The following GPC5 variants were observed in gnomAD, a reference collection of about 807,000 sequenced individuals.
The protein encoded by GPC5 is glypican 5.
A neutral mutation model predicts 53.9 loss-of-function variants in GPC5; 47 were observed. The observed-to-expected ratio is 0.87, with a 90% CI of 0.69 to 1.11. The LOEUF is 1.11. Ranked by LOEUF, GPC5 falls within the 50% of genes most tolerant of loss-of-function variation. The probability of loss-of-function intolerance (pLI) is 0.00; values close to 1 mark genes in which losing one functional copy is unlikely to be tolerated. For missense variants in GPC5, 748 were observed against 713.1 expected, an observed-to-expected ratio of 1.05 and a Z score of -0.56; for synonymous variants, 286 against 263.3, an observed-to-expected ratio of 1.09 and a Z score of -0.84.
intron 2 of GPC5, among the ~76,000 whole-genome samples, chr13:91,460,206 A>G (rs555625185): frequency 2.6e-5 from 4 of 152,264 alleles, no homozygotes; most frequent in Non-Finnish European, 1.5e-5. Context: ...TTCTCATAAT[A>G]GGAACACATT....
intron 5 of GPC5, among the ~76,000 whole-genome samples, chr13:91,868,606 G>A (rs2039109869): frequency 6.6e-6 from 1 of 152,048 alleles, no homozygotes. Flanking sequence ...TCAGGAGGCT[G>A]ACAAGGGAGG....
At chr13:91,792,539 T>C (rs1030451478) in intron 5 of GPC5, among the ~76,000 whole-genome samples, 6 of 152,212 alleles carry the variant, frequency 3.9e-5, no homozygotes, top group African/African-American at 1.4e-4. Flanking sequence ...CCCATGTAGT[T>C]TGGCTATGAG....
chr13:92,847,534 T>C (rs1430052825), intron 7 of GPC5, among the ~76,000 whole-genome samples: 1 of 152,136 alleles, frequency 6.6e-6, no homozygotes, highest in Non-Finnish European at 1.5e-5. Flanking sequence ...TCCAGCCATG[T>C]ACCTACTTCC....
chr13:92,036,788 A>C (rs2040896455), intron 6 of GPC5, among the ~76,000 whole-genome samples: 1 of 152,202 alleles, frequency 6.6e-6, no homozygotes, highest in South Asian at 2.1e-4. Context: ...AGTTGCTCAG[A>C]ACAAGAATTA....
At chr13:91,432,200 CTGCTGTGTG>C (rs1229990353) in intron 1 of GPC5, among the ~76,000 whole-genome samples, 3 of 65,766 alleles carry the variant, frequency 4.6e-5, no homozygotes, top group African/African-American at 2.2e-4. Context: ...GCTGCTGCTG[CTGCTGTGTG>C]TGTGTGTGTG....
intron 6 of GPC5, among the ~76,000 whole-genome samples, chr13:91,988,310 G>A (rs1271449404): frequency 6.6e-6 from 1 of 152,118 alleles, no homozygotes; most frequent in East Asian, 1.9e-4. Context: ...GAAAGTCAAG[G>A]AGACACAGAG....
chr13:92,564,387 T>C (rs1198346564), intron 7 of GPC5, among the ~76,000 whole-genome samples: 6 of 152,092 alleles, frequency 3.9e-5, no homozygotes, highest in Non-Finnish European at 8.8e-5. Context: ...TAATGAAGAT[T>C]GAGGTATTAA....
At chr13:91,667,447 A>C (rs950482025) in intron 2 of GPC5, among the ~76,000 whole-genome samples, 3 of 152,218 alleles carry the variant, frequency 2.0e-5, no homozygotes, top group African/African-American at 7.2e-5. Context: ...TGGATGATAC[A>C]GTTGAGTGAA....
chr13:92,426,311 C>T (rs868442855), intron 7 of GPC5, among the ~76,000 whole-genome samples: 1 of 152,076 alleles, frequency 6.6e-6, no homozygotes, highest in Non-Finnish European at 1.5e-5. Flanking sequence ...CATTCTTACC[C>T]TTTCTACAGC....
At chr13:91,743,136 T>C (rs951222889) in intron 4 of GPC5, among the ~76,000 whole-genome samples, 2 of 152,134 alleles carry the variant, frequency 1.3e-5, no homozygotes, top group African/African-American at 4.8e-5. Context: ...GTATGTTTTC[T>C]TTTTGCTTTT....
At chr13:91,825,392 G>A (rs912943820) in intron 5 of GPC5, among the ~76,000 whole-genome samples, 2 of 152,120 alleles carry the variant, frequency 1.3e-5, no homozygotes, top group African/African-American at 2.4e-5. Flanking sequence ...TTTATGTGTA[G>A]TGTATAGCAT....
intron 5 of GPC5, among the ~76,000 whole-genome samples, chr13:91,765,235 T>C (rs1283729829): frequency 1.3e-5 from 2 of 152,236 alleles, no homozygotes; most frequent in African/African-American, 4.8e-5. Flanking sequence ...AACACTTCTC[T>C]CACCTAGGAC....
intron 7 of GPC5, among the ~76,000 whole-genome samples, chr13:92,545,025 C>T (rs909324758): frequency 2.0e-5 from 3 of 151,918 alleles, no homozygotes; most frequent in East Asian, 1.9e-4. Flanking sequence ...CCCATTAACT[C>T]GTCATTTAGC....
intron 7 of GPC5, among the ~76,000 whole-genome samples, chr13:92,803,899 T>C (rs1566425801): frequency 6.6e-6 from 1 of 151,930 alleles, no homozygotes. Flanking sequence ...CCTATTTTTC[T>C]CAGAATTATG....
intron 1 of GPC5, among the ~76,000 whole-genome samples, chr13:91,415,898 T>C (rs1364704525): frequency 6.6e-6 from 1 of 152,208 alleles, no homozygotes; most frequent in Non-Finnish European, 1.5e-5. Context: ...GTGCATCTTT[T>C]ATAGCATTTT....
chr13:91,519,505 T>C (rs940266182), intron 2 of GPC5, among the ~76,000 whole-genome samples: 8 of 152,182 alleles, frequency 5.3e-5, no homozygotes, highest in Admixed American at 2.0e-4. Flanking sequence ...TTTAAAAGTA[T>C]ATAACACTCC....
intron 5 of GPC5, among the ~76,000 whole-genome samples, chr13:91,862,495 C>G (rs1412180959): frequency 6.6e-6 from 1 of 152,160 alleles, no homozygotes; most frequent in Non-Finnish European, 1.5e-5. Flanking sequence ...CTGCAATTCA[C>G]AAGAAATGCC....
intron 1 of GPC5, among the ~76,000 whole-genome samples, chr13:91,424,733 G>C (rs1291230181): frequency 6.6e-6 from 1 of 152,154 alleles, no homozygotes; most frequent in Non-Finnish European, 1.5e-5. Context: ...GCCATGACTA[G>C]CATCCCAAGG....
intron 6 of GPC5, among the ~76,000 whole-genome samples, chr13:91,958,305 G>A (rs923429180): frequency 6.6e-6 from 1 of 151,558 alleles, no homozygotes; most frequent in Non-Finnish European, 1.5e-5. Context: ...ATTATATAAT[G>A]ATAAAGGGAT....
Sources: allele counts gnomAD v4.1 joint callset (sites outside exome capture counted in the v4.1 genomes callset), GRCh38; gene constraint gnomAD v4.1.1; transcripts MANE v1.5; gene names NCBI Gene and HGNC (gene_info 2026-07-23, HGNC 2026-07-21).